Variants in CACNA1S observed in about 807,000 individuals in gnomAD.
The protein encoded by CACNA1S is voltage-dependent L-type calcium channel subunit alpha-1S.
In CACNA1S, 126 loss-of-function variants were observed where a neutral mutation model predicts 207.4. That is an observed-to-expected ratio of 0.61 (90% CI 0.53 to 0.70). The LOEUF (loss-of-function observed/expected upper bound fraction) is 0.70, where lower values mean the gene tolerates loss of function less well. Among genes scored for constraint, CACNA1S ranks in the 30% least tolerant of loss-of-function variants. CACNA1S has a pLI of 0.00. For missense variants in CACNA1S, 2,349 were observed against 2,422.8 expected (o/e 0.97, Z 0.64); for synonymous variants, 960 against 932.7 (o/e 1.03, Z -0.53).
chr1:201,063,483 T>G lies in CACNA1S; in HGVS notation c.2854-969A>C, dbSNP rs141523232. On this transcript the variant is annotated intron_variant, in intron 22 of 43. Coordinates refer to ENST00000362061, the MANE Select transcript of CACNA1S (RefSeq NM_000069.3). ...TTTTGTATTTTTAGTGAGAAGGGGTTTCACCATGTTGGTCAGGCTGGTTTT... is the reference window on the plus strand; with the variant it reads ...TTTTGTATTTTTAGTGAGAAGGGGTGTCACCATGTTGGTCAGGCTGGTTTT... 1.0e-3 allele frequency among the ~76,000 whole-genome samples: 152 copies of G among 152,254 alleles called. 1 individual carries two copies. The highest frequency in any genetic ancestry group is 3.2e-3 in the African/African-American group (135 of 41,542).
In CACNA1S at chr1:201,039,519, T is replaced by C. The variant is rs1332745296; in HGVS notation, c.*312A>G. The C allele has an allele frequency of 4.3e-6, 2 of 469,074 alleles. No individual in the cohort carries two copies. Among genetic ancestry groups the C allele is most frequent in the Middle Eastern group, 5.8e-4 (1 of 1,716 alleles). 29.1% of individuals were successfully genotyped at this position (469,074 alleles called of 1,614,324 possible). On this transcript the variant is annotated 3_prime_UTR_variant, in exon 44 of 44. Coordinates refer to ENST00000362061, the MANE Select transcript of CACNA1S (RefSeq NM_000069.3). ...TGGACAAGCAGAGGCCAGTTGCCAGTGTCACAGGCCTGGAGATTTTAATGT... is the reference window on the plus strand; with the variant it reads ...TGGACAAGCAGAGGCCAGTTGCCAGCGTCACAGGCCTGGAGATTTTAATGT...
intron 26 of CACNA1S, 28 bp from the exon 27 acceptor site, chr1:201,059,327 T>C (rs1288115053): frequency 6.6e-7 from 1 of 1,509,842 alleles, no homozygotes; most frequent in African/African-American, 1.4e-5. Flanking sequence ...GAGCAGTGGG[T>C]CAGGGGGGCC....
Position 201,061,345 on chromosome 1 carries a change from G to A in CACNA1S, c.3177C>T (p.Ile1059=), listed in dbSNP as rs1553249999. 10 of 1,614,226 alleles carry A rather than the reference G, an allele frequency of 6.2e-6. No homozygotes were observed. The highest frequency in any genetic ancestry group is 8.5e-6 in the Non-Finnish European group (10 of 1,180,046). Reference sequence around the variant, plus strand: ...AGGTGACAATGACGAAGCCCACAAAGATGTTCATCATGAAGAAGGCAATGA... The same window carrying A: ...AGGTGACAATGACGAAGCCCACAAAAATGTTCATCATGAAGAAGGCAATGA... ...IILIAFFMMN[I]FVGFVIVTFQ... The change falls in exon 25 of 44, where the codon ATC becomes ATT. Residue 1059 remains isoleucine, a synonymous_variant. Transcript: ENST00000362061.
chr1:201,076,777 G>A (rs1025044358), intron 12 of CACNA1S, 143 bp downstream of exon 12: 2 of 786,456 alleles, frequency 2.5e-6, no homozygotes, highest in African/African-American at 1.7e-5. Context: ...CAGGTGATAG[G>A]GGAGCCCAGA....
At chr1:201,067,540 C>T (rs1170327079) in intron 19 of CACNA1S, among the ~76,000 whole-genome samples, 1 of 152,188 alleles carries the variant, frequency 6.6e-6, no homozygotes, top group Non-Finnish European at 1.5e-5. Context: ...TAAAATCGAA[C>T]AGGGTTGAAA....
At chr1:201,079,212 A>T (rs1220719844) in intron 10 of CACNA1S, among the ~76,000 whole-genome samples, 1 of 151,498 alleles carries the variant, frequency 6.6e-6, no homozygotes, top group Non-Finnish European at 1.5e-5. Context: ...AAACTCCCGA[A>T]AGTTGTCTAT....
intron 16 of CACNA1S, 145 bp from the exon 17 acceptor site, chr1:201,070,549 A>T: frequency 9.4e-7 from 1 of 1,058,630 alleles, no homozygotes; most frequent in Non-Finnish European, 1.4e-6. Context: ...GCTTTGGCAG[A>T]GTCCAGCCCG....
At chr1:201,042,939 G>T in intron 40 of CACNA1S, 1 of 310,096 alleles carries the variant, frequency 3.2e-6, no homozygotes, top group Non-Finnish European at 6.2e-6. Flanking sequence ...GAATCTTATT[G>T]TCCACAGTCT....
In CACNA1S at chr1:201,085,446, G is replaced by T. The variant is rs1046776938; in HGVS notation, c.1140C>A (p.Asp380Glu). ...ITQGEVMDVE[D>E]FREGKLSLDE... ...CCTTTGGGCCCAAACCTTCTCTGAA[G>T]TCCTCAACATCCATGACCTCGCCCT... The change falls in exon 8 of 44, where the codon GAC becomes GAA. Residue 380 changes from aspartate to glutamate, a missense_variant. Physicochemically the swap from Asp to Glu is conservative, Grantham distance 45 (BLOSUM62 2). Coordinates refer to ENST00000362061, the MANE Select transcript of CACNA1S (RefSeq NM_000069.3). The T allele has an allele frequency of 6.2e-7, 1 of 1,613,660 alleles. No individual in the cohort carries two copies. The highest frequency in any genetic ancestry group is 8.5e-7 in the Non-Finnish European group (1 of 1,179,994).
intron 10 of CACNA1S, among the ~76,000 whole-genome samples, chr1:201,078,646 C>T (rs4915213): frequency 0.23 from 34,160 of 151,644 alleles, 4,029 homozygotes; most frequent in Middle Eastern, 0.28. Flanking sequence ...AAGTCTGCTA[C>T]TCTCTCATTC....
chr1:201,069,058 C>A (rs370492420), intron 19 of CACNA1S, 79 bp downstream of exon 19: 3 of 1,261,138 alleles, frequency 2.4e-6, no homozygotes, highest in African/African-American at 2.9e-5. Context: ...TTCTCTCCAG[C>A]CCCTGAGTTC....
At chr1:201,048,101 C>A (rs892910409) in intron 36 of CACNA1S, among the ~76,000 whole-genome samples, 1 of 152,246 alleles carries the variant, frequency 6.6e-6, no homozygotes, top group Non-Finnish European at 1.5e-5. Context: ...GAGACTTGAG[C>A]TTGATACAGT....
intron 22 of CACNA1S, among the ~76,000 whole-genome samples, chr1:201,063,015 T>G (rs1036488856): frequency 6.6e-6 from 1 of 152,126 alleles, no homozygotes; most frequent in African/African-American, 2.4e-5. Context: ...GGAGCCCAGC[T>G]GGGCTCTGAT....
intron 5 of CACNA1S, among the ~76,000 whole-genome samples, chr1:201,091,399 G>GGT (rs553897304): frequency 2.3e-5 from 2 of 86,910 alleles, no homozygotes; most frequent in African/African-American, 8.5e-5. Flanking sequence ...ATGTGGGGCA[G>GGT]GGGGGTGACG....
chr1:201,077,107 T>C lies in CACNA1S; in HGVS notation c.1640A>G (p.Asn547Ser), dbSNP rs1391005606. Residue 547 changes from asparagine (N) to serine (S), a missense_variant, in exon 12 of 44, where the codon AAC becomes AGC. Asn to Ser is a conservative substitution (Grantham distance 46, BLOSUM62 1). Coordinates refer to ENST00000362061, the MANE Select transcript of CACNA1S (RefSeq NM_000069.3). ...GGAGTTGAGCAGGGATGCCACCAGG[T>C]TGCTCAGCGACGTCCAATATCTGAA... ...KITKYWTSLS[N>S]LVASLLNSIR... The C allele has an allele frequency of 6.2e-7, 1 of 1,614,018 alleles. No individual in the cohort carries two copies. The highest frequency in any genetic ancestry group is 2.2e-5 in the East Asian group (1 of 44,870).
At chr1:201,111,688 C>T (rs1379167719) in intron 1 of CACNA1S, among the ~76,000 whole-genome samples, 1 of 152,134 alleles carries the variant, frequency 6.6e-6, no homozygotes, top group Non-Finnish European at 1.5e-5. Context: ...AGAGTTTTCT[C>T]AAAGAGGCCA....
rs373712202 is a variant in CACNA1S, at chr1:201,078,028, C to T, written c.1470G>A (p.Gln490=). Residue 490 remains glutamine, a synonymous_variant, in exon 11 of 44, where the codon CAG becomes CAA. Coordinates refer to ENST00000362061, the MANE Select transcript of CACNA1S (RefSeq NM_000069.3). The stretch of plus-strand genomic sequence containing the variant: ...AGCGGTTGAAGATAGACATGAAGTA[C>T]TGGCGCAGGCCCAGCCCGTACATCT... ...LMKMYGLGLR[Q]YFMSIFNRFD... is the part of the protein sequence containing the mutation. 4.8e-5 allele frequency: 77 copies of T among 1,614,210 alleles called. 1 individual carries two copies. The South Asian group carries it at 5.7e-4, about 12-fold the overall frequency.
chr1:201,106,390 G>A (rs1052026097), intron 2 of CACNA1S, among the ~76,000 whole-genome samples: 3 of 149,558 alleles, frequency 2.0e-5, no homozygotes, highest in Non-Finnish European at 2.9e-5. Flanking sequence ...ATCCCCCCCT[G>A]ACCTCTCTGT....
rs1661258975 is a variant in CACNA1S, at chr1:201,066,801, C to T, written c.2657+86G>A. On this transcript the variant is annotated intron_variant, in intron 20 of 43. Coordinates refer to ENST00000362061, the MANE Select transcript of CACNA1S (RefSeq NM_000069.3). This position sits in a 1 kb window ranked among gnomAD's most constrained non-coding sequence, Gnocchi z 4.3. ...ACCCTCCTCTTGTGGCAGGGGCCCA[C>T]CAACATGGGTGGGACTCCCACTACA... 3.0e-6 allele frequency: 3 copies of T among 1,012,208 alleles called. No individual in the cohort carries two copies. Among genetic ancestry groups the T allele is most frequent in the South Asian group, 1.3e-5 (1 of 74,176 alleles). The allele number at this position is 1,012,208 out of a possible 1,614,324, so 62.7% of individuals were successfully genotyped here.
Sources: allele counts gnomAD v4.1 joint callset (sites outside exome capture counted in the v4.1 genomes callset), GRCh38; gene constraint gnomAD v4.1.1; non-coding constraint Gnocchi (gnomAD v3.1); transcripts MANE v1.5; gene names NCBI Gene and HGNC (gene_info 2026-07-23, HGNC 2026-07-21).